Variants in TANC2 observed in about 807,000 individuals in gnomAD.
The protein encoded by TANC2 is tetratricopeptide repeat, ankyrin repeat and coiled-coil containing 2, also known as protein TANC2.
Under a neutral mutation model 210.5 loss-of-function variants are expected in TANC2, and 26 were observed. The ratio of observed to expected loss-of-function variants is 0.12; its 90% CI spans 0.09 to 0.17. The LOEUF is 0.17. Ranked by LOEUF, TANC2 falls within the 10% of genes least tolerant of loss-of-function variation. TANC2 has a pLI of 1.00. For missense variants in TANC2, 2,129 were observed against 2,608.9 expected (o/e 0.82, Z 4.01); for synonymous variants, 931 against 967.1 (o/e 0.96, Z 0.69).
intron 15 of TANC2, among the ~76,000 whole-genome samples, chr17:63,385,594 C>G (rs1405900597): frequency 6.6e-6 from 1 of 152,134 alleles, no homozygotes; most frequent in Non-Finnish European, 1.5e-5. Context: ...TAATTGATGT[C>G]CCTGTTACTT....
intron 5 of TANC2, 25 bp from the exon 6 acceptor site, chr17:63,193,966 G>C: frequency 6.3e-7 from 1 of 1,597,430 alleles, no homozygotes; most frequent in Non-Finnish European, 8.5e-7. Context: ...AAAGATTCAT[G>C]TTCTTCAATG....
At chr17:63,331,197 C>T (rs1193397485) in intron 11 of TANC2, among the ~76,000 whole-genome samples, 1 of 152,208 alleles carries the variant, frequency 6.6e-6, no homozygotes, top group Non-Finnish European at 1.5e-5. Context: ...GATGCATTAT[C>T]ACTTCTTTAA....
chr17:63,224,565 T>C (rs1009268558), intron 7 of TANC2, among the ~76,000 whole-genome samples: 2 of 152,182 alleles, frequency 1.3e-5, no homozygotes, highest in Non-Finnish European at 2.9e-5. Flanking sequence ...TACAATAATA[T>C]ATCCTCCTTG....
At chr17:63,189,974 C>T (rs977709794) in intron 5 of TANC2, among the ~76,000 whole-genome samples, 3 of 152,076 alleles carry the variant, frequency 2.0e-5, no homozygotes, top group Non-Finnish European at 2.9e-5. Context: ...TGTGGTTATC[C>T]AGTTGTCCCA....
intron 7 of TANC2, among the ~76,000 whole-genome samples, chr17:63,234,147 ATAT>A (rs1434607079): frequency 1.3e-5 from 2 of 152,182 alleles, no homozygotes; most frequent in African/African-American, 4.8e-5. Flanking sequence ...GTATCCTAAA[ATAT>A]TATAGAAAGC....
intron 2 of TANC2, among the ~76,000 whole-genome samples, chr17:63,063,170 A>T (rs1038980571): frequency 2.0e-5 from 3 of 152,244 alleles, no homozygotes; most frequent in Admixed American, 6.5e-5. Flanking sequence ...GATGATAGAG[A>T]TGCTTAAGGC....
intron 9 of TANC2, among the ~76,000 whole-genome samples, chr17:63,285,121 A>G (rs2044181517): frequency 6.6e-6 from 1 of 151,886 alleles, no homozygotes; most frequent in Non-Finnish European, 1.5e-5. Context: ...TTGTTTATTT[A>G]TATTTACAGT....
At chr17:63,008,087 A>C (rs1473620657) in intron 1 of TANC2, among the ~76,000 whole-genome samples, 2 of 150,360 alleles carry the variant, frequency 1.3e-5, no homozygotes, top group Admixed American at 6.6e-5. Context: ...TGCTACTTTA[A>C]ATGTGTTTTT....
chr17:63,130,124 C>T (rs888317407), intron 4 of TANC2, among the ~76,000 whole-genome samples: 3 of 152,068 alleles, frequency 2.0e-5, no homozygotes, highest in Non-Finnish European at 4.4e-5. Context: ...AGAAATAAAG[C>T]TGGGAAGGCT....
chr17:63,347,912 C>T (rs551254205), intron 12 of TANC2, among the ~76,000 whole-genome samples: 4 of 152,116 alleles, frequency 2.6e-5, no homozygotes, highest in Admixed American at 2.0e-4. Flanking sequence ...ACTACAGAAG[C>T]GCACCATCAT....
chr17:63,263,798 A>G (rs2043440543), intron 8 of TANC2, among the ~76,000 whole-genome samples: 1 of 152,190 alleles, frequency 6.6e-6, no homozygotes, highest in South Asian at 2.1e-4. Context: ...TGCCAGGCAT[A>G]ATGCATTTAT....
intron 5 of TANC2, among the ~76,000 whole-genome samples, chr17:63,181,799 T>A: frequency 6.6e-6 from 1 of 152,308 alleles, no homozygotes; most frequent in Non-Finnish European, 1.5e-5. Context: ...TGTTGCTGTT[T>A]CCCTTGCTCT....
At chr17:63,366,305 C>G (rs2047108707) in intron 14 of TANC2, among the ~76,000 whole-genome samples, 1 of 152,126 alleles carries the variant, frequency 6.6e-6, no homozygotes, top group Non-Finnish European at 1.5e-5. Flanking sequence ...AATACAAATA[C>G]AAGTAAGATC....
intron 5 of TANC2, chr17:63,154,628 T>C (rs1370971460): frequency 6.6e-6 from 1 of 152,144 alleles, no homozygotes; most frequent in Non-Finnish European, 1.5e-5. Context: ...TTAATATATA[T>C]AAAGCACTTA....
chr17:63,363,141 G>C (rs1308828203), intron 14 of TANC2, among the ~76,000 whole-genome samples: 1 of 152,226 alleles, frequency 6.6e-6, no homozygotes, highest in South Asian at 2.1e-4. Flanking sequence ...ATACCTGTTT[G>C]CCATTTGTGT....
At chr17:63,132,465 G>A (rs754988783) in intron 4 of TANC2, among the ~76,000 whole-genome samples, 7 of 152,074 alleles carry the variant, frequency 4.6e-5, no homozygotes, top group Non-Finnish European at 8.8e-5. Flanking sequence ...TGTATTTAAG[G>A]AAAGCCAGAA....
At position 63,181,098 on chromosome 17, in the gene TANC2, G is replaced by A. The variant is rs371092737; in HGVS notation, c.434-12893G>A. Reference sequence around the variant, plus strand: ...TTAGCTCCGAATTAGAGGGACGTGTGTGTTCCTACTAAATTTGCAATGTCA... The same window carrying A: ...TTAGCTCCGAATTAGAGGGACGTGTATGTTCCTACTAAATTTGCAATGTCA... On this transcript the variant is annotated intron_variant, in intron 5 of 27. Transcript: ENST00000689528. Among the ~76,000 whole-genome samples, 17 of 150,590 alleles carry A rather than the reference G, an allele frequency of 1.1e-4. No homozygotes were observed. The East Asian group carries it at 2.4e-3, about 21-fold the overall frequency.
chr17:63,240,419 C>G (rs912380188), intron 8 of TANC2, among the ~76,000 whole-genome samples: 1 of 152,146 alleles, frequency 6.6e-6, no homozygotes, highest in Non-Finnish European at 1.5e-5. Flanking sequence ...TACTTACTCC[C>G]CATTATATTT....
intron 4 of TANC2, among the ~76,000 whole-genome samples, chr17:63,146,235 A>G (rs1486820463): frequency 6.6e-6 from 1 of 152,096 alleles, no homozygotes; most frequent in East Asian, 1.9e-4. Context: ...TAGAAATACA[A>G]CTAACTTGTG....
Sources: gnomAD v4.1 joint callset for allele counts (sites outside exome capture counted in the v4.1 genomes callset) on GRCh38, gnomAD v4.1.1 for gene constraint, MANE v1.5 for transcripts, NCBI Gene and HGNC (gene_info 2026-07-23, HGNC 2026-07-21) for gene names.